Variants in DCAF8L2 observed in about 807,000 individuals in gnomAD.
DCAF8L2 encodes DDB1- and CUL4-associated factor 8-like protein 2.
For missense variants in DCAF8L2, 430 were observed against 490.7 expected (o/e 0.88, Z 1.17); for synonymous variants, 200 against 190.9 (o/e 1.05, Z -0.39).
At chrX:27,527,474 A>G in the DCAF8L2 span, among the ~76,000 whole-genome samples, 29 of 110,501 alleles carry the variant, frequency 2.6e-4, no homozygotes, top group Admixed American at 4.8e-4. Context: ...TTGCTTCCTG[A>G]GTGAGGCAAT....
chrX:27,512,779 CAAAAAAAAAAA>C, the DCAF8L2 span, among the ~76,000 whole-genome samples: 12 of 18,548 alleles, frequency 6.5e-4, no homozygotes, highest in Non-Finnish European at 8.7e-4. Flanking sequence ...CAATCTTGAG[CAAAAAAAAAAA>C]AAAAAAAAAA....
At chrX:27,502,845 T>C in the DCAF8L2 span, among the ~76,000 whole-genome samples, 433 of 111,562 alleles carry the variant, frequency 3.9e-3, 3 homozygotes, top group Non-Finnish European at 6.7e-3. Context: ...CTCGGAAATA[T>C]AGGGGAAACA....
At chrX:27,507,642 T>C in the DCAF8L2 span, among the ~76,000 whole-genome samples, 2 of 112,044 alleles carry the variant, frequency 1.8e-5, no homozygotes, top group South Asian at 7.3e-4. Context: ...ATAATTCTTC[T>C]AAATATCCAC....
At chrX:27,547,845 T>TTTCTC in the DCAF8L2 span, among the ~76,000 whole-genome samples, 35 of 46,287 alleles carry the variant, frequency 7.6e-4, no homozygotes, top group African/African-American at 2.4e-3. Context: ...CTCTCTCTCT[T>TTTCTC]TCTCTCTCTC....
At chrX:27,538,476 C>T in the DCAF8L2 span, among the ~76,000 whole-genome samples, 2,888 of 110,471 alleles carry the variant, frequency 0.026, 52 homozygotes, top group Non-Finnish European at 0.039. Context: ...TCACTGCAAC[C>T]TCCGCCTCCC....
At chrX:27,495,942 G>A in the DCAF8L2 span, among the ~76,000 whole-genome samples, 48 of 111,308 alleles carry the variant, frequency 4.3e-4, 2 homozygotes, top group Admixed American at 9.6e-5. Context: ...ATTTTCCTGT[G>A]TCTTGGTCAT....
At chrX:27,477,480 G>A in the DCAF8L2 span, among the ~76,000 whole-genome samples, 2 of 110,776 alleles carry the variant, frequency 1.8e-5, no homozygotes, top group African/African-American at 6.6e-5. Context: ...GTAGAGACGG[G>A]GTTTCATCGT....
At chrX:27,476,745 T>C in the DCAF8L2 span, among the ~76,000 whole-genome samples, 2 of 111,942 alleles carry the variant, frequency 1.8e-5, no homozygotes, top group Admixed American at 1.9e-4. Flanking sequence ...AGGGGAGTTA[T>C]CAATGCCCAA....
the DCAF8L2 span, chrX:27,519,178 C>T: frequency 6.1e-5 from 69 of 1,133,688 alleles, no homozygotes; most frequent in African/African-American, 1.2e-3. Context: ...AAGAATAGAA[C>T]GTGAAAAGGA....
rs1362387108 is a variant in DCAF8L2 at position 27,645,969 on chromosome X, T to C, written c.-220+13969T>C. On this transcript the variant is annotated intron_variant, in intron 2 of 4. Transcript: ENST00000451261. ...TGCTGATGCATAGGAAGAATCAATA[T>C]CATGAAAATCACCATACTGCCCAAA... Among the ~76,000 whole-genome samples the C allele has an allele frequency of 5.4e-5, 6 of 111,453 alleles. No individual in the cohort carries two copies. In the East Asian group the frequency reaches 1.7e-3, roughly 32 times the overall value.
At chrX:27,513,475 G>A in the DCAF8L2 span, among the ~76,000 whole-genome samples, 1 of 111,616 alleles carries the variant, frequency 9.0e-6, no homozygotes, top group African/African-American at 3.3e-5. Flanking sequence ...GGGAGGCCGA[G>A]GTGGGTGGAT....
intron 3 of DCAF8L2, among the ~76,000 whole-genome samples, chrX:27,702,620 T>C (rs73628823): frequency 0.015 from 1,693 of 111,294 alleles, 36 homozygotes; most frequent in African/African-American, 0.052. Context: ...ATCATCTTAA[T>C]AGATACAGAA....
At chrX:27,644,016 A>T (rs1368930926) in intron 2 of DCAF8L2, among the ~76,000 whole-genome samples, 1 of 111,816 alleles carries the variant, frequency 8.9e-6, no homozygotes, top group Non-Finnish European at 1.9e-5. Context: ...TGCCAGAAGC[A>T]TTCATTTTAC....
chrX:27,695,202 TA>T (rs1244451949), intron 3 of DCAF8L2, among the ~76,000 whole-genome samples: 2 of 111,892 alleles, frequency 1.8e-5, no homozygotes, highest in African/African-American at 6.5e-5. Flanking sequence ...CTTCATAAAG[TA>T]TAAGATTCTT....
chrX:27,516,879 C>T, the DCAF8L2 span, among the ~76,000 whole-genome samples: 4 of 111,315 alleles, frequency 3.6e-5, no homozygotes, highest in African/African-American at 1.3e-4. Flanking sequence ...AATCAGTTAC[C>T]AACAAATGTA....
At chrX:27,614,646 T>C (rs1472529736) in intron 1 of DCAF8L2, among the ~76,000 whole-genome samples, 1 of 111,847 alleles carries the variant, frequency 8.9e-6, no homozygotes, top group African/African-American at 3.3e-5. Context: ...GATTCTGATA[T>C]GTTGTGTCTT....
chrX:27,501,043 G>C, the DCAF8L2 span, among the ~76,000 whole-genome samples: 7 of 111,248 alleles, frequency 6.3e-5, no homozygotes, highest in Admixed American at 4.8e-4. Flanking sequence ...CTGAAAGTTG[G>C]TTATGAGGAC....
the DCAF8L2 span, among the ~76,000 whole-genome samples, chrX:27,516,101 A>T: frequency 8.9e-6 from 1 of 111,830 alleles, no homozygotes; most frequent in Admixed American, 9.6e-5. Context: ...TAATAGATAA[A>T]TGTAAATTTG....
the DCAF8L2 span, among the ~76,000 whole-genome samples, chrX:27,576,678 GA>G: frequency 3.6e-5 from 4 of 111,475 alleles, no homozygotes; most frequent in Middle Eastern, 4.2e-3. Flanking sequence ...AATATAGAAA[GA>G]AAAAAACTTT....
Sources: allele counts gnomAD v4.1 joint callset (sites outside exome capture counted in the v4.1 genomes callset), GRCh38; gene constraint gnomAD v4.1.1; transcripts MANE v1.5; gene names NCBI Gene and HGNC (gene_info 2026-07-23, HGNC 2026-07-21).